The following TIMM44 variants were observed in gnomAD, a reference collection of about 807,000 sequenced individuals.
TIMM44 encodes mitochondrial import inner membrane translocase subunit TIM44.
TIMM44 carries 37 observed loss-of-function variants against 63.8 expected under a neutral mutation model. That is an observed-to-expected ratio of 0.58 (90% CI 0.45 to 0.76). The LOEUF (loss-of-function observed/expected upper bound fraction) is 0.76, where lower values mean the gene tolerates loss of function less well. TIMM44 is among the 30% of genes least tolerant of loss of function. TIMM44 has a pLI of 0.00. For synonymous variants in TIMM44, 239 were observed against 245.1 expected (o/e 0.98, Z 0.23); for missense variants, 573 against 603.8 (o/e 0.95, Z 0.54).
In TIMM44 at chr19:7,943,461, C is replaced by T; in HGVS notation, c.45+146G>A. The stretch of plus-strand genomic sequence containing the variant: ...CCACGCTCTGTGCCCCCTGTCCTGG[C>T]CTCTGCTACCCAAAGATCTAACCCC... On this transcript the variant is annotated intron_variant, in intron 1 of 12. Coordinates refer to ENST00000270538, the MANE Select transcript of TIMM44 (RefSeq NM_006351.4). This position sits in a 1 kb window ranked among gnomAD's most constrained non-coding sequence, Gnocchi z 4.3. 1 of 986,094 alleles carries T rather than the reference C, an allele frequency of 1.0e-6. No individual in the cohort carries two copies. Among genetic ancestry groups the T allele is most frequent in the South Asian group, 1.4e-5 (1 of 70,278 alleles). 61.1% of individuals were successfully genotyped at this position (986,094 alleles called of 1,614,324 possible).
Position 7,940,953 on chromosome 19 carries a change from T to C in TIMM44, c.141+149A>G, listed in dbSNP as rs1984290650. On this transcript the variant is annotated intron_variant, in intron 2 of 12. Coordinates refer to ENST00000270538, the MANE Select transcript of TIMM44 (RefSeq NM_006351.4). ...ACCGAGAAGGCCAGGCACACTGGGA[T>C]CTGTCATTCTGAAAGCCCCGGACAC... is the stretch of plus-strand genomic sequence containing the variant. 5 of 694,346 alleles carry C rather than the reference T, an allele frequency of 7.2e-6. No individual in the cohort carries two copies. The East Asian group carries it at 1.4e-4, about 19-fold the overall frequency. The allele number at this position is 694,346 out of a possible 1,614,324, so 43.0% of individuals were successfully genotyped here. A position where few individuals can be genotyped will look rare whatever the true frequency, so the allele number is the denominator to read the frequency against.
chr19:7,934,120 C>T lies in TIMM44; in HGVS notation c.512G>A (p.Gly171Asp), dbSNP rs374101751. The change falls in exon 5 of 13, where the codon GGC becomes GAC. Residue 171 changes from glycine (G) to aspartate (D), a missense_variant. Coordinates refer to ENST00000270538, the MANE Select transcript of TIMM44 (RefSeq NM_006351.4). The surrounding 1 kb of genome is among the most constrained non-coding windows in gnomAD (Gnocchi z 5.3). ...ESVSKGGEKL[G>D]RTAAFRALSQ... is the part of the protein sequence containing the mutation. ...GAGGGCTCTGAAGGCCGCTGTCCTGCCCAGCTTCTCCCCGCCTTTGGATAC... is the reference window on the plus strand; with the variant it reads ...GAGGGCTCTGAAGGCCGCTGTCCTGTCCAGCTTCTCCCCGCCTTTGGATAC... 4.0e-5 allele frequency: 64 copies of T among 1,613,306 alleles called. No individual in the cohort carries two copies. Among genetic ancestry groups the T allele is most frequent in the Non-Finnish European group, 4.8e-5 (57 of 1,179,992 alleles).
chr19:7,928,423 C>T (rs1452760084), intron 10 of TIMM44: 1 of 518,748 alleles, frequency 1.9e-6, no homozygotes, highest in African/African-American at 1.9e-5. Flanking sequence ...GTGGGTGATT[C>T]TCTTGGAACA....
At chr19:7,932,525 C>A in intron 9 of TIMM44, 102 bp downstream of exon 9, 1 of 1,527,808 alleles carries the variant, frequency 6.5e-7, no homozygotes, top group Non-Finnish European at 9.0e-7. Flanking sequence ...ACAGCCTCGG[C>A]AGCAGAGTTC....
In TIMM44 at chr19:7,943,645, C is replaced by T. The variant is rs1185302702; in HGVS notation, c.7G>A (p.Ala3Thr). 1 of 1,566,732 alleles carries T rather than the reference C, an allele frequency of 6.4e-7. No homozygotes were observed. Among genetic ancestry groups the T allele is most frequent in the Non-Finnish European group, 8.6e-7 (1 of 1,163,152 alleles). Reference sequence around the variant, plus strand: ...CACCAGCCACTCCGCAGGGCCGCCGCCGCCATGTTGGAGAATCGTGTGACC... The same window carrying T: ...CACCAGCCACTCCGCAGGGCCGCCGTCGCCATGTTGGAGAATCGTGTGACC... MAAAALRSGWCRC... is the reference protein window; with the variant it reads MATAALRSGWCRC... Residue 3 changes from alanine to threonine, a missense_variant, in exon 1 of 13, where the codon GCG becomes ACG. Transcript: ENST00000270538. The surrounding 1 kb of genome is among the most constrained non-coding windows in gnomAD (Gnocchi z 4.3).
intron 10 of TIMM44, chr19:7,928,923 C>CAAAAAA (rs758167153): frequency 7.6e-4 from 53 of 70,082 alleles, no homozygotes; most frequent in African/African-American, 3.3e-3. Context: ...AACAAAAAAC[C>CAAAAAA]AAAAAAAAAA....
rs1174264944 is a variant in TIMM44 at position 7,933,057 on chromosome 19, G to A, written c.770-125C>T. 1 of 795,872 alleles carries A rather than the reference G, an allele frequency of 1.3e-6. No individual in the cohort carries two copies. Among genetic ancestry groups the A allele is most frequent in the Non-Finnish European group, 2.1e-6 (1 of 469,788 alleles). The allele number at this position is 795,872 out of a possible 1,614,324, so 49.3% of individuals were successfully genotyped here. On this transcript the variant is annotated intron_variant, in intron 7 of 12. Coordinates refer to ENST00000270538, the MANE Select transcript of TIMM44 (RefSeq NM_006351.4). The surrounding 1 kb of genome is among the most constrained non-coding windows in gnomAD (Gnocchi z 4.3). ...CCCTGACACGGGTGGGGTCAGGGAG[G>A]GGACGGCTGTGGACCTGCATCCTCA...
In TIMM44 at chr19:7,933,475, C is replaced by T; in HGVS notation, c.769+10G>A. 2 of 1,613,506 alleles carry T rather than the reference C, an allele frequency of 1.2e-6. No homozygotes were observed. The highest frequency in any genetic ancestry group is 1.7e-6 in the Non-Finnish European group (2 of 1,179,424). ...CACAGTCACCTGCCCTCCAAGACAC[C>T]TTCACTCACGGTTAAACACCACGTT... On this transcript the variant is annotated intron_variant, in intron 7 of 12. Transcript: ENST00000270538. This position sits in a 1 kb window ranked among gnomAD's most constrained non-coding sequence, Gnocchi z 4.3.
At chr19:7,931,402 C>A (rs141005755) in intron 9 of TIMM44, 7 of 584,334 alleles carry the variant, frequency 1.2e-5, no homozygotes, top group South Asian at 1.9e-5. Context: ...TAGGCACAGG[C>A]GGAGGGCGGC....
Position 7,933,381 on chromosome 19 carries a change from C to T in TIMM44, c.769+104G>A. 2 of 1,029,776 alleles carry T rather than the reference C, an allele frequency of 1.9e-6. No homozygotes were observed. The highest frequency in any genetic ancestry group is 1.5e-6 in the Non-Finnish European group (1 of 646,260). 63.8% of individuals were successfully genotyped at this position (1,029,776 alleles called of 1,614,324 possible). A position where few individuals can be genotyped will look rare whatever the true frequency, so the allele number is the denominator to read the frequency against. On this transcript the variant is annotated intron_variant, in intron 7 of 12. Transcript: ENST00000270538. The surrounding 1 kb of genome is among the most constrained non-coding windows in gnomAD (Gnocchi z 4.3). Reference sequence around the variant, plus strand: ...GGCCCACTCTGACCCCGATCTCCTCCTCTGCAAAACGGGGCTGTCTTGTGC... The same window carrying T: ...GGCCCACTCTGACCCCGATCTCCTCTTCTGCAAAACGGGGCTGTCTTGTGC...
rs1156508706 is a variant in TIMM44 at position 7,938,088 on chromosome 19, A to T, written c.251T>A (p.Phe84Tyr). The T allele has an allele frequency of 6.2e-7, 1 of 1,613,934 alleles. No individual in the cohort carries two copies. ...TTCTAGCCTTCTGGCCTCGTCACGG[A>T]ATTTTTTTATACTTTCTTTCATTTC... The part of the protein sequence containing the change: ...NKEMKESIKK[F>Y]RDEARRLEES... The change falls in exon 3 of 13, where the codon TTC becomes TAC. Residue 84 changes from phenylalanine to tyrosine, a missense_variant. Coordinates refer to ENST00000270538, the MANE Select transcript of TIMM44 (RefSeq NM_006351.4).
rs1568296198 is a variant in TIMM44, at chr19:7,933,765, G to A, written c.683+99C>T. The A allele has an allele frequency of 1.1e-5, 18 of 1,570,480 alleles. No homozygotes were observed. Among genetic ancestry groups the A allele is most frequent in the Non-Finnish European group, 1.4e-5 (16 of 1,147,238 alleles). On this transcript the variant is annotated intron_variant, in intron 6 of 12. Transcript: ENST00000270538. The surrounding 1 kb of genome is among the most constrained non-coding windows in gnomAD (Gnocchi z 4.3). The stretch of plus-strand genomic sequence containing the variant: ...AACCTTGGGCAGAAGGCAAACTCAA[G>A]AAACGGACTCAGGAGGGAACCATTG...
At position 7,928,066 on chromosome 19, in the gene TIMM44, G is replaced by C. The variant is rs373424642; in HGVS notation, c.1128+11C>G. The stretch of plus-strand genomic sequence containing the variant: ...CGATGGTGGCCCGGGCCCCCACTGC[G>C]AGGTGCTTACGTCGACGTTGTCAAT... On this transcript the variant is annotated intron_variant, in intron 11 of 12. Transcript: ENST00000270538. 4 of 1,612,350 alleles carry C rather than the reference G, an allele frequency of 2.5e-6. No homozygotes were observed. Among genetic ancestry groups the C allele is most frequent in the East Asian group, 2.2e-5 (1 of 44,824 alleles).
intron 10 of TIMM44, among the ~76,000 whole-genome samples, chr19:7,929,968 C>T (rs534285337): frequency 1.2e-3 from 190 of 152,216 alleles, no homozygotes; most frequent in African/African-American, 4.4e-3. Flanking sequence ...CCTGCCTCAG[C>T]CTCCCGAGTA....
chr19:7,943,637 G>C lies in TIMM44; in HGVS notation c.15C>G (p.Ala5=). 6.4e-7 allele frequency: 1 copy of C among 1,568,254 alleles called. No homozygotes were observed. Among genetic ancestry groups the C allele is most frequent in the East Asian group, 2.3e-5 (1 of 42,564 alleles). Residue 5 remains alanine, a synonymous_variant, in exon 1 of 13, where the codon GCC becomes GCG. Transcript: ENST00000270538. The surrounding 1 kb of genome is among the most constrained non-coding windows in gnomAD (Gnocchi z 4.3). The part of the protein sequence containing the change: MAAA[A]LRSGWCRCPR... ...GACAGCGGCACCAGCCACTCCGCAG[G>C]GCCGCCGCCGCCATGTTGGAGAATC...
intron 10 of TIMM44, among the ~76,000 whole-genome samples, chr19:7,930,197 G>C (rs993717933): frequency 6.6e-6 from 1 of 151,602 alleles, no homozygotes; most frequent in Non-Finnish European, 1.5e-5. Context: ...CTGGAGTGCT[G>C]TGCTGCGATG....
In TIMM44 at chr19:7,933,052, G is replaced by A; in HGVS notation, c.770-120C>T. ...ATCCACCCTGACACGGGTGGGGTCA[G>A]GGAGGGGACGGCTGTGGACCTGCAT... On this transcript the variant is annotated intron_variant, in intron 7 of 12. Transcript: ENST00000270538. The surrounding 1 kb of genome is among the most constrained non-coding windows in gnomAD (Gnocchi z 4.3). 1.2e-6 allele frequency: 1 copy of A among 804,066 alleles called. No homozygotes were observed. The highest frequency in any genetic ancestry group is 1.4e-5 in the South Asian group (1 of 69,774). The allele number at this position is 804,066 out of a possible 1,614,324, so 49.8% of individuals were successfully genotyped here. A position where few individuals can be genotyped will look rare whatever the true frequency, so the allele number is the denominator to read the frequency against.
rs868026707 is a variant in TIMM44 at position 7,934,647 on chromosome 19, G to C, written c.394-409C>G. Among the ~76,000 whole-genome samples the C allele has an allele frequency of 3.3e-5, 5 of 152,178 alleles. No homozygotes were observed. Among genetic ancestry groups the C allele is most frequent in the African/African-American group, 1.2e-4 (5 of 41,456 alleles). On this transcript the variant is annotated intron_variant, in intron 4 of 12. Transcript: ENST00000270538. This position sits in a 1 kb window ranked among gnomAD's most constrained non-coding sequence, Gnocchi z 5.3. ...CAAGGATTCCCAAGGAGGGGACCCCGGGGAAAGAACGGCGGTGAGGGCGCC... is the reference window on the plus strand; with the variant it reads ...CAAGGATTCCCAAGGAGGGGACCCCCGGGAAAGAACGGCGGTGAGGGCGCC...
intron 1 of TIMM44, 46 bp from the exon 2 acceptor site, chr19:7,941,243 G>A: frequency 2.1e-6 from 3 of 1,450,334 alleles, no homozygotes; most frequent in Non-Finnish European, 2.9e-6. Context: ...ACAAGAGGTT[G>A]ACTGAGAAGT....
Sources: allele counts gnomAD v4.1 joint callset (sites outside exome capture counted in the v4.1 genomes callset), GRCh38; gene constraint gnomAD v4.1.1; non-coding constraint Gnocchi (gnomAD v3.1); transcripts MANE v1.5; gene names NCBI Gene and HGNC (gene_info 2026-07-23, HGNC 2026-07-21).